The following DOCK4 variants were observed in gnomAD, a reference collection of about 807,000 sequenced individuals.
DOCK4 encodes the protein dedicator of cytokinesis protein 4.
DOCK4 carries 97 observed loss-of-function variants against 268.1 expected under a neutral mutation model. The ratio of observed to expected loss-of-function variants is 0.36; its 90% CI spans 0.31 to 0.43. The LOEUF (loss-of-function observed/expected upper bound fraction) is 0.43. Ranked by LOEUF, DOCK4 falls within the 20% of genes least tolerant of loss-of-function variation. DOCK4 has a pLI of 1.00. For synonymous variants in DOCK4, 954 were observed against 887.2 expected (o/e 1.08, Z -1.34); for missense variants, 2,145 against 2,455.7 (o/e 0.87, Z 2.67).
At chr7:111,920,805 G>T (rs1793055271) in intron 12 of DOCK4, among the ~76,000 whole-genome samples, 1 of 151,962 alleles carries the variant, frequency 6.6e-6, no homozygotes, top group African/African-American at 2.4e-5. Flanking sequence ...CAGAAAGAGA[G>T]AGAATATAAA....
chr7:112,205,905 G>A (rs1416171419), intron 1 of DOCK4, among the ~76,000 whole-genome samples, 197 bp downstream of exon 1: 1 of 152,088 alleles, frequency 6.6e-6, no homozygotes, highest in African/African-American at 2.4e-5. Flanking sequence ...GGGGCGCGCC[G>A]AGCAGGCGGT....
At chr7:111,877,748 G>A (rs1414769297) in intron 16 of DOCK4, among the ~76,000 whole-genome samples, 1 of 152,122 alleles carries the variant, frequency 6.6e-6, no homozygotes, top group East Asian at 1.9e-4. Context: ...GCTAACACAT[G>A]TAAAAGCAAT....
chr7:111,862,712 G>T (rs1272040238), intron 23 of DOCK4, among the ~76,000 whole-genome samples: 2 of 151,808 alleles, frequency 1.3e-5, no homozygotes, highest in Non-Finnish European at 2.9e-5. Context: ...GGCTGGTCTT[G>T]AACTCCTGAC....
intron 34 of DOCK4, among the ~76,000 whole-genome samples, chr7:111,783,653 C>T (rs1798947827): frequency 6.6e-6 from 1 of 150,416 alleles, no homozygotes; most frequent in Admixed American, 6.6e-5. Flanking sequence ...AAAAACAAAA[C>T]AAAGCAACAA....
intron 1 of DOCK4, among the ~76,000 whole-genome samples, chr7:112,067,534 T>C (rs1307631618): frequency 6.6e-6 from 1 of 152,166 alleles, no homozygotes; most frequent in Non-Finnish European, 1.5e-5. Context: ...GTATTTTACA[T>C]TCTCATTGGG....
intron 1 of DOCK4, among the ~76,000 whole-genome samples, chr7:112,085,889 A>G (rs1177997629): frequency 2.6e-5 from 4 of 152,114 alleles, no homozygotes; most frequent in African/African-American, 9.7e-5. Context: ...ATTTTTGCCA[A>G]AAAAAGCAAA....
chr7:111,728,926 AGACATTT>A (rs1794868400), intron 52 of DOCK4, among the ~76,000 whole-genome samples: 1 of 152,160 alleles, frequency 6.6e-6, no homozygotes, highest in Non-Finnish European at 1.5e-5. Context: ...TCCTTATAAG[AGACATTT>A]GGACACACAG....
rs1795715588 is a variant in DOCK4, at chr7:111,739,176, T to G, written c.5190A>C (p.Arg1730Ser). ...RENSCLSPRE[R>S]PCSAIYPTPV... is the part of the protein sequence containing the mutation. The stretch of plus-strand genomic sequence containing the variant: ...GTGTTGGATAGATGGCACTGCATGG[T>G]CTCTCTCTTGGTGACAGGCAAGAGT... The change falls in exon 49 of 53, where the codon AGA becomes AGC. Residue 1730 changes from arginine (R) to serine (S), a missense_variant. Around this residue, in one of 2 missense-constraint regions of DOCK4, gnomAD observed 547 missense variants for 469.0 expected, o/e 1.17. Coordinates refer to ENST00000428084, the MANE Select transcript of DOCK4 (RefSeq NM_001363540.2). 6.2e-7 allele frequency: 1 copy of G among 1,613,848 alleles called. No homozygotes were observed. The highest frequency in any genetic ancestry group is 1.1e-5 in the South Asian group (1 of 91,092).
rs767655012 is a variant in DOCK4 at position 111,940,223 on chromosome 7, T to C, written c.864A>G (p.Glu288=). ...ACTGGACACTACAGGCATTCTTTTT[T>C]TCTCCTGCTCCCATTCGACCTGTTC... ...IIRIGRMGAG[E]KKNACSVQYR... is the part of the protein sequence containing the mutation. Residue 288 remains glutamate (E), a synonymous_variant, in exon 11 of 53, where the codon GAA becomes GAG. Coordinates refer to ENST00000428084, the MANE Select transcript of DOCK4 (RefSeq NM_001363540.2). 1 of 1,614,068 alleles carries C rather than the reference T, an allele frequency of 6.2e-7. No homozygotes were observed. The highest frequency in any genetic ancestry group is 8.5e-7 in the Non-Finnish European group (1 of 1,179,900).
intron 1 of DOCK4, among the ~76,000 whole-genome samples, chr7:112,169,487 C>A (rs539677438): frequency 8.5e-5 from 13 of 152,204 alleles, no homozygotes; most frequent in African/African-American, 3.1e-4. Context: ...TTTTGTGACC[C>A]AAATATTTGA....
At chr7:111,806,864 CT>C (rs1800712935) in intron 30 of DOCK4, among the ~76,000 whole-genome samples, 1 of 152,124 alleles carries the variant, frequency 6.6e-6, no homozygotes, top group Non-Finnish European at 1.5e-5. Context: ...TCCATATTCT[CT>C]AGATCTCTGA....
rs1415509473 is a variant in DOCK4, at chr7:111,933,291, TATATA to T, written c.1066+2244_1066+2248del. 4.8e-4 allele frequency among the ~76,000 whole-genome samples: 57 copies of T among 118,772 alleles called. 2 individuals are homozygous for T. Among genetic ancestry groups the T allele is most frequent in the African/African-American group, 1.9e-3 (55 of 29,566 alleles). 77.9% of individuals were successfully genotyped at this position (118,772 alleles called of 152,430 possible). A position where few individuals can be genotyped will look rare whatever the true frequency, so the allele number is the denominator to read the frequency against. On this transcript the variant is annotated intron_variant, in intron 12 of 52. Transcript: ENST00000428084. ...ATATACATATATACATATATATATA[TATATA>T]TATTTTTTTTTTTTTTTGAGATGGA...
At chr7:112,199,775 T>C (rs534996965) in intron 1 of DOCK4, among the ~76,000 whole-genome samples, 2 of 152,366 alleles carry the variant, frequency 1.3e-5, no homozygotes, top group African/African-American at 2.4e-5. Context: ...TCTTCTGTTA[T>C]AGTGACCAGA....
chr7:112,167,207 C>A (rs1817684183), intron 1 of DOCK4, among the ~76,000 whole-genome samples: 2 of 152,164 alleles, frequency 1.3e-5, no homozygotes, highest in South Asian at 4.1e-4. Flanking sequence ...CTTCTTGCCT[C>A]CCCTTTCCAA....
At chr7:112,148,441 T>C (rs553839699) in intron 1 of DOCK4, among the ~76,000 whole-genome samples, 11 of 152,138 alleles carry the variant, frequency 7.2e-5, no homozygotes, top group Non-Finnish European at 1.3e-4. Flanking sequence ...GAAAAACAAT[T>C]AAAGTGAAAT....
chr7:111,733,546 A>G (rs1231035903), intron 51 of DOCK4, among the ~76,000 whole-genome samples: 1 of 152,198 alleles, frequency 6.6e-6, no homozygotes, highest in African/African-American at 2.4e-5. Context: ...ACGGAGAACT[A>G]TGTTCCTGCC....
At chr7:112,013,712 A>T (rs1304126807) in intron 1 of DOCK4, among the ~76,000 whole-genome samples, 1 of 152,230 alleles carries the variant, frequency 6.6e-6, no homozygotes, top group African/African-American at 2.4e-5. Context: ...ATGAGCAATA[A>T]AGCTTTTGCA....
intron 52 of DOCK4, among the ~76,000 whole-genome samples, chr7:111,730,996 T>C (rs571887582): frequency 6.6e-6 from 1 of 152,326 alleles, no homozygotes; most frequent in African/African-American, 2.4e-5. Context: ...GATAATTCCA[T>C]AGCAACGTGT....
chr7:112,025,362 C>A (rs1802691679), intron 1 of DOCK4, among the ~76,000 whole-genome samples: 1 of 152,182 alleles, frequency 6.6e-6, no homozygotes, highest in Non-Finnish European at 1.5e-5. Context: ...ACAGACCCAG[C>A]TTCCGATTTA....
Sources: gnomAD v4.1 joint callset for allele counts (sites outside exome capture counted in the v4.1 genomes callset) on GRCh38, gnomAD v4.1.1 for gene constraint, gnomAD v4.1.1 regional missense constraint, MANE v1.5 for transcripts, NCBI Gene and HGNC (gene_info 2026-07-23, HGNC 2026-07-21) for gene names.